The following INPP4B variants were observed in gnomAD, a reference collection of about 807,000 sequenced individuals.
INPP4B encodes the protein inositol polyphosphate-4-phosphatase type II B.
INPP4B carries 55 observed loss-of-function variants against 122.5 expected under a neutral mutation model. The ratio of observed to expected loss-of-function variants is 0.45; its 90% CI spans 0.36 to 0.56. INPP4B has a LOEUF of 0.56. Ranked by LOEUF, INPP4B falls within the 20% of genes least tolerant of loss-of-function variation. The probability of loss-of-function intolerance (pLI) is 0.00; values close to 1 mark genes in which losing one functional copy is unlikely to be tolerated. For synonymous variants in INPP4B, 403 were observed against 388.7 expected (o/e 1.04, Z -0.43); for missense variants, 1,000 against 1,097.7 (o/e 0.91, Z 1.26).
At chr4:142,638,922 T>C (rs980634181) in intron 2 of INPP4B, among the ~76,000 whole-genome samples, 2 of 152,302 alleles carry the variant, frequency 1.3e-5, no homozygotes, top group Non-Finnish European at 2.9e-5. Context: ...TTTTTGTGGA[T>C]AGTCTTAATC....
chr4:142,493,236 T>C (rs1489354150), intron 2 of INPP4B, among the ~76,000 whole-genome samples: 6 of 152,200 alleles, frequency 3.9e-5, no homozygotes, highest in African/African-American at 1.4e-4. Flanking sequence ...GGAACCCTCA[T>C]GGAGAACCTC....
chr4:142,681,783 C>A (rs577877707), intron 2 of INPP4B, among the ~76,000 whole-genome samples: 2 of 151,982 alleles, frequency 1.3e-5, no homozygotes, highest in African/African-American at 4.8e-5. Context: ...TTCTAATAAT[C>A]TGCCTTGAAA....
intron 1 of INPP4B, among the ~76,000 whole-genome samples, chr4:142,749,779 A>T (rs1769368512): frequency 6.6e-6 from 1 of 152,098 alleles, no homozygotes; most frequent in Admixed American, 6.6e-5. Context: ...TGTGATGTTA[A>T]CCTACATTAC....
At chr4:142,076,229 TAAG>T (rs1434239820) in intron 25 of INPP4B, among the ~76,000 whole-genome samples, 2 of 152,028 alleles carry the variant, frequency 1.3e-5, no homozygotes, top group East Asian at 3.9e-4. Context: ...GGCATGAATA[TAAG>T]AAGAAGATCG....
chr4:142,305,550 G>A lies in INPP4B; in HGVS notation c.424-13C>T, dbSNP rs778921943. On this transcript the variant is annotated splice_polypyrimidine_tract_variant and intron_variant, in intron 8 of 25. Transcript: ENST00000262992. ...CCAAGAAACTTCGCTGAAAATAACAGAAAGAATGGTTTCATTAACTTGAGG... is the reference window on the plus strand; with the variant it reads ...CCAAGAAACTTCGCTGAAAATAACAAAAAGAATGGTTTCATTAACTTGAGG... 3.1e-6 allele frequency: 5 copies of A among 1,606,002 alleles called. No individual in the cohort carries two copies. In the East Asian group the frequency reaches 1.1e-4, roughly 36 times the overall value.
intron 9 of INPP4B, among the ~76,000 whole-genome samples, chr4:142,297,075 C>G (rs1759057057): frequency 6.6e-6 from 1 of 152,258 alleles, no homozygotes. Context: ...AAAAGCAAAA[C>G]TTTGTGTTAC....
chr4:142,565,823 C>T (rs958103316), intron 2 of INPP4B, among the ~76,000 whole-genome samples: 10 of 152,258 alleles, frequency 6.6e-5, no homozygotes, highest in African/African-American at 1.9e-4. Flanking sequence ...CAAGAGTCTT[C>T]GGATAAGACA....
At chr4:142,034,822 A>G (rs1489459797) in intron 25 of INPP4B, among the ~76,000 whole-genome samples, 1 of 152,110 alleles carries the variant, frequency 6.6e-6, no homozygotes, top group Non-Finnish European at 1.5e-5. Context: ...TTTCTAAAGT[A>G]TGGCTCCAGT....
chr4:142,117,229 G>A (rs1031612672), intron 21 of INPP4B, among the ~76,000 whole-genome samples: 2 of 151,966 alleles, frequency 1.3e-5, no homozygotes, highest in Admixed American at 6.6e-5. Context: ...TTCTATCAGA[G>A]GTACAAAGAG....
Position 142,440,411 on chromosome 4 carries a change from C to T in INPP4B, c.-126-9026G>A, listed in dbSNP as rs79131271. ...GAGAGTCCTGGCAATTCTAGGCCAACGGAGCAGCAGGAATGAAAGATGTGG... is the reference window on the plus strand; with the variant it reads ...GAGAGTCCTGGCAATTCTAGGCCAATGGAGCAGCAGGAATGAAAGATGTGG... On this transcript the variant is annotated intron_variant, in intron 3 of 25. Coordinates refer to ENST00000262992, the MANE Select transcript of INPP4B (RefSeq NM_001101669.3). Among the ~76,000 whole-genome samples, 1,007 of 152,176 alleles carry T rather than the reference C, an allele frequency of 6.6e-3. 5 individuals carry two copies. Among genetic ancestry groups the T allele is most frequent in the African/African-American group, 0.02 (814 of 41,504 alleles).
At chr4:142,036,755 C>T (rs557465199) in intron 25 of INPP4B, among the ~76,000 whole-genome samples, 48 of 152,284 alleles carry the variant, frequency 3.2e-4, no homozygotes, top group African/African-American at 1.1e-3. Flanking sequence ...TTAAAGATGT[C>T]TCACATGTAA....
intron 11 of INPP4B, among the ~76,000 whole-genome samples, chr4:142,257,354 G>A (rs1209125807): frequency 6.6e-6 from 1 of 152,112 alleles, no homozygotes; most frequent in Non-Finnish European, 1.5e-5. Context: ...GTTCTGGCCA[G>A]GGCAATTAGG....
chr4:142,055,693 TCTTTTTTTTTTGTAC>T (rs977084640), intron 25 of INPP4B, among the ~76,000 whole-genome samples: 6 of 149,520 alleles, frequency 4.0e-5, no homozygotes, highest in African/African-American at 1.2e-4. Context: ...TTCTACTAAA[TCTTTTTTTTTTGTAC>T]AGAAAATTGT....
intron 14 of INPP4B, among the ~76,000 whole-genome samples, chr4:142,201,155 G>A (rs74885365): frequency 0.03 from 4,539 of 152,110 alleles, 211 homozygotes; most frequent in African/African-American, 0.1. Context: ...CCAAAGAGTG[G>A]CTTTGAAGGA....
chr4:142,145,094 A>C (rs570830722), intron 18 of INPP4B, among the ~76,000 whole-genome samples: 12 of 152,222 alleles, frequency 7.9e-5, no homozygotes, highest in African/African-American at 2.9e-4. Flanking sequence ...ATATTAATCA[A>C]ACATTAATCA....
intron 1 of INPP4B, among the ~76,000 whole-genome samples, chr4:142,786,128 T>C (rs1412962162): frequency 1.3e-5 from 2 of 152,116 alleles, no homozygotes; most frequent in Non-Finnish European, 2.9e-5. Context: ...GACCCAAATC[T>C]TGATTTCTAA....
chr4:142,471,360 T>C (rs1453848793), intron 2 of INPP4B, among the ~76,000 whole-genome samples: 1 of 152,178 alleles, frequency 6.6e-6, no homozygotes, highest in East Asian at 1.9e-4. Context: ...AATACGTCAA[T>C]GTGTTGGCAG....
intron 2 of INPP4B, among the ~76,000 whole-genome samples, chr4:142,549,327 T>C (rs1727418443): frequency 6.6e-6 from 1 of 152,026 alleles, no homozygotes; most frequent in Non-Finnish European, 1.5e-5. Context: ...TTCTGGAATG[T>C]GGGAGGGCAC....
At chr4:142,571,447 T>G (rs1732802959) in intron 2 of INPP4B, among the ~76,000 whole-genome samples, 1 of 152,164 alleles carries the variant, frequency 6.6e-6, no homozygotes. Flanking sequence ...ATTATTCACA[T>G]ATACTGATTA....
Sources: gnomAD v4.1 joint callset for allele counts (sites outside exome capture counted in the v4.1 genomes callset) on GRCh38, gnomAD v4.1.1 for gene constraint, MANE v1.5 for transcripts, NCBI Gene and HGNC (gene_info 2026-07-23, HGNC 2026-07-21) for gene names.